Variants in COL22A1 observed in about 807,000 individuals in gnomAD.
COL22A1 encodes collagen alpha-1(XXII) chain.
A neutral mutation model predicts 248.9 loss-of-function variants in COL22A1; 221 were observed. That is an observed-to-expected ratio of 0.89 (90% CI 0.80 to 0.99). COL22A1 has a LOEUF of 0.99. COL22A1 is among the 50% of genes least tolerant of loss of function. COL22A1 has a pLI of 0.00. For missense variants in COL22A1, 2,240 were observed against 2,179.0 expected (o/e 1.03, Z -0.56); for synonymous variants, 891 against 793.4 (o/e 1.12, Z -2.07).
intron 27 of COL22A1, among the ~76,000 whole-genome samples, chr8:138,719,656 T>A (rs1394330342): frequency 6.6e-6 from 1 of 152,224 alleles, no homozygotes; most frequent in African/African-American, 2.4e-5. Flanking sequence ...GCACCTTCCC[T>A]GGCCAGCAAA....
chr8:138,803,085 C>T (rs895785351), intron 10 of COL22A1, 151 bp from the exon 11 acceptor site: 3 of 692,936 alleles, frequency 4.3e-6, no homozygotes, highest in East Asian at 2.6e-5. Context: ...CATGTCCCAC[C>T]CCTGGAGAGG....
At chr8:138,626,539 T>A (rs995567739) in intron 50 of COL22A1, among the ~76,000 whole-genome samples, 1 of 152,198 alleles carries the variant, frequency 6.6e-6, no homozygotes, top group Non-Finnish European at 1.5e-5. Flanking sequence ...GAAGAAGCTA[T>A]TCGGGTTTTA....
At chr8:138,764,091 G>A (rs571599146) in intron 16 of COL22A1, among the ~76,000 whole-genome samples, 1 of 152,308 alleles carries the variant, frequency 6.6e-6, no homozygotes, top group South Asian at 2.1e-4. Context: ...TTCCGTTTGA[G>A]GTTGGTTCCT....
At chr8:138,858,265 G>A (rs1822189737) in intron 3 of COL22A1, among the ~76,000 whole-genome samples, 1 of 152,184 alleles carries the variant, frequency 6.6e-6, no homozygotes, top group African/African-American at 2.4e-5. Flanking sequence ...GGAAGTGGGC[G>A]AGAGAAAGTG....
Position 138,662,061 on chromosome 8 carries a change from A to T in COL22A1, c.3209T>A (p.Phe1070Tyr), listed in dbSNP as rs1348199894. Residue 1070 changes from phenylalanine (F) to tyrosine (Y), a missense_variant, in exon 43 of 65, where the codon TTC becomes TAC. Coordinates refer to ENST00000303045, the MANE Select transcript of COL22A1 (RefSeq NM_152888.3). ...GCCGGCTGGGCCCTGGGGGCCAGGG[A>T]ATCCAGGTAAGCCTCGTGATCCCTG... ...GSPGSRGLPG[F>Y]PGPQGPAGRD... The T allele has an allele frequency of 8.7e-6, 14 of 1,612,610 alleles. No homozygotes were observed. Among genetic ancestry groups the T allele is most frequent in the Non-Finnish European group, 1.2e-5 (14 of 1,179,342 alleles).
At chr8:138,633,737 T>C (rs4909814) in intron 49 of COL22A1, among the ~76,000 whole-genome samples, 133,473 of 152,226 alleles carry the variant, frequency 0.88, 60,138 homozygotes, top group East Asian at 1. Context: ...GATTGTCAGA[T>C]GCTACAAAAT....
intron 2 of COL22A1, among the ~76,000 whole-genome samples, chr8:138,878,711 T>A (rs761774382): frequency 1.3e-5 from 2 of 152,198 alleles, no homozygotes; most frequent in Admixed American, 6.5e-5. Context: ...AATCAAAAGA[T>A]GTTTAGATGT....
intron 16 of COL22A1, 121 bp from the exon 17 acceptor site, chr8:138,762,587 T>G (rs1833576685): frequency 1.7e-6 from 1 of 603,112 alleles, no homozygotes; most frequent in Non-Finnish European, 2.9e-6. Context: ...CAAACGCACG[T>G]GCACACACAC....
chr8:138,906,316 G>A (rs966248151), intron 1 of COL22A1, among the ~76,000 whole-genome samples: 7 of 151,270 alleles, frequency 4.6e-5, no homozygotes, highest in African/African-American at 1.7e-4. Flanking sequence ...CTTGCAGTGA[G>A]CGGAGGTGGT....
chr8:138,646,324 G>A (rs1822200894), intron 47 of COL22A1, among the ~76,000 whole-genome samples: 2 of 152,212 alleles, frequency 1.3e-5, no homozygotes, highest in Admixed American at 6.5e-5. Context: ...ATTACTGGGA[G>A]TTAAGTGGAG....
intron 3 of COL22A1, among the ~76,000 whole-genome samples, chr8:138,844,435 C>T (rs768737742): frequency 1.7e-4 from 26 of 152,106 alleles, no homozygotes; most frequent in Non-Finnish European, 3.7e-4. Context: ...CAGCCTTGTC[C>T]GAGGGAGCCA....
rs28690607 is a variant in COL22A1 at position 138,750,447 on chromosome 8, A to G, written c.2085+1011T>C. Among the ~76,000 whole-genome samples the G allele has an allele frequency of 9.1e-3, 1,388 of 152,192 alleles. 22 individuals carry two copies. The highest frequency in any genetic ancestry group is 0.031 in the African/African-American group (1,304 of 41,528). On this transcript the variant is annotated intron_variant, in intron 22 of 64. Transcript: ENST00000303045. Reference sequence around the variant, plus strand: ...CGGCGCTGAATGAGAAGAGCAGGCCACCCCCTTTCAGAACGGAGGATGTGA... The same window carrying G: ...CGGCGCTGAATGAGAAGAGCAGGCCGCCCCCTTTCAGAACGGAGGATGTGA...
chr8:138,879,690 CAAAA>C (rs372214665), intron 2 of COL22A1, among the ~76,000 whole-genome samples: 4 of 99,044 alleles, frequency 4.0e-5, no homozygotes, highest in Admixed American at 2.5e-4. Context: ...GACACTCTCT[CAAAA>C]AAAAAAAAAA....
chr8:138,909,569 C>G (rs955283355), intron 1 of COL22A1, among the ~76,000 whole-genome samples: 2 of 143,692 alleles, frequency 1.4e-5, no homozygotes, highest in African/African-American at 5.5e-5. Flanking sequence ...AAAAAACTTA[C>G]TATAAGCCAA....
In COL22A1 at chr8:138,773,249, G is replaced by T. The variant is rs920406057; in HGVS notation, c.1803+2717C>A. ...CCCCTGACAGGCTCAGCCCAGCCCA[G>T]GATTCAGACAAATGGAGAAGCCACC... On this transcript the variant is annotated intron_variant, in intron 16 of 64. Coordinates refer to ENST00000303045, the MANE Select transcript of COL22A1 (RefSeq NM_152888.3). Among the ~76,000 whole-genome samples the T allele has an allele frequency of 2.6e-5, 4 of 152,166 alleles. No individual in the cohort carries two copies. In the East Asian group the frequency reaches 7.7e-4, roughly 29 times the overall value.
intron 43 of COL22A1, 138 bp downstream of exon 43, chr8:138,661,892 C>T: frequency 3.6e-6 from 2 of 552,226 alleles, no homozygotes; most frequent in South Asian, 6.2e-5. Flanking sequence ...AAAGCATGTC[C>T]ATGGGGCTTC....
intron 3 of COL22A1, among the ~76,000 whole-genome samples, chr8:138,854,492 G>C (rs368668617): frequency 6.6e-6 from 1 of 152,184 alleles, no homozygotes; most frequent in Non-Finnish European, 1.5e-5. Flanking sequence ...AGGTAGCAGA[G>C]GCAGGGCTCA....
chr8:138,812,933 G>A lies in COL22A1; in HGVS notation c.1326+6C>T. The A allele has an allele frequency of 6.2e-7, 1 of 1,608,420 alleles. No homozygotes were observed. The highest frequency in any genetic ancestry group is 8.5e-7 in the Non-Finnish European group (1 of 1,174,854). On this transcript the variant is annotated splice_donor_region_variant and intron_variant, in intron 8 of 64. Coordinates refer to ENST00000303045, the MANE Select transcript of COL22A1 (RefSeq NM_152888.3). ...TCCCATCCTCTCTGTGCGAGAGTCTGCTCACCGGACCCGAGGGGATATCAC... is the reference window on the plus strand; with the variant it reads ...TCCCATCCTCTCTGTGCGAGAGTCTACTCACCGGACCCGAGGGGATATCAC...
intron 1 of COL22A1, among the ~76,000 whole-genome samples, chr8:138,886,985 T>C (rs184237285): frequency 1.5e-3 from 226 of 152,298 alleles, no homozygotes; most frequent in African/African-American, 5.1e-3. Context: ...GATAGAGGCA[T>C]GCAACATGAA....
Sources: allele counts gnomAD v4.1 joint callset (sites outside exome capture counted in the v4.1 genomes callset), GRCh38; gene constraint gnomAD v4.1.1; transcripts MANE v1.5; gene names NCBI Gene and HGNC (gene_info 2026-07-23, HGNC 2026-07-21).